PPP4R3A: variants seen among roughly 807,000 people sequenced by gnomAD.
The protein encoded by PPP4R3A is serine/threonine-protein phosphatase 4 regulatory subunit 3A.
Under a neutral mutation model 91.7 loss-of-function variants are expected in PPP4R3A, and 15 were observed. The observed-to-expected ratio is 0.16, with a 90% CI of 0.11 to 0.25. The LOEUF (loss-of-function observed/expected upper bound fraction) is 0.25, where lower values mean the gene tolerates loss of function less well. PPP4R3A is among the 10% of genes least tolerant of loss of function. PPP4R3A has a pLI of 1.00. For missense variants in PPP4R3A, 623 were observed against 998.4 expected, an observed-to-expected ratio of 0.62 and a Z score of 5.07; for synonymous variants, 377 against 348.7, an observed-to-expected ratio of 1.08 and a Z score of -0.91.
chr14:91,492,401 A>C (rs995765484), intron 1 of PPP4R3A, among the ~76,000 whole-genome samples: 8 of 152,354 alleles, frequency 5.3e-5, no homozygotes, highest in Middle Eastern at 3.4e-3. Context: ...GTTTGCTTTT[A>C]CATCAAAGTT....
At chr14:91,477,417 C>T (rs562485911) in intron 4 of PPP4R3A, among the ~76,000 whole-genome samples, 1 of 152,286 alleles carries the variant, frequency 6.6e-6, no homozygotes, top group South Asian at 2.1e-4. Flanking sequence ...GGTAGTTCTA[C>T]AACCTCTCAA....
At chr14:91,489,252 A>G (rs570642425) in intron 2 of PPP4R3A, among the ~76,000 whole-genome samples, 1 of 152,268 alleles carries the variant, frequency 6.6e-6, no homozygotes, top group South Asian at 2.1e-4. Context: ...GAAAATAACA[A>G]TCATCTTGGG....
At chr14:91,502,790 GAT>G (rs1429185148) in intron 1 of PPP4R3A, among the ~76,000 whole-genome samples, 1 of 152,218 alleles carries the variant, frequency 6.6e-6, no homozygotes, top group Non-Finnish European at 1.5e-5. Context: ...TTAACTCTAA[GAT>G]ATGAGTCAGA....
At chr14:91,495,149 T>C (rs1167406637) in intron 1 of PPP4R3A, among the ~76,000 whole-genome samples, 1 of 152,200 alleles carries the variant, frequency 6.6e-6, no homozygotes, top group African/African-American at 2.4e-5. Flanking sequence ...GCAAGGTTAT[T>C]TACAACAGCA....
At position 91,459,344 on chromosome 14, in the gene PPP4R3A, G is replaced by A. The variant is rs1233803049; in HGVS notation, c.2392-475C>T. Among the ~76,000 whole-genome samples the A allele has an allele frequency of 2.0e-5, 3 of 151,984 alleles. 1 individual carries two copies. Among genetic ancestry groups the A allele is most frequent in the South Asian group, 4.2e-4 (2 of 4,802 alleles). Reference sequence around the variant, plus strand: ...TGGTCTTGAACTCCTGACCTCAGGCGATCCACCTACCTTGGACTCCCAAAG... The same window carrying A: ...TGGTCTTGAACTCCTGACCTCAGGCAATCCACCTACCTTGGACTCCCAAAG... On this transcript the variant is annotated intron_variant, in intron 14 of 14. Transcript: ENST00000554943.
intron 1 of PPP4R3A, among the ~76,000 whole-genome samples, chr14:91,496,219 T>TC (rs1393427981): frequency 2.0e-5 from 3 of 152,252 alleles, no homozygotes; most frequent in African/African-American, 7.2e-5. Flanking sequence ...TGTTGTTTTT[T>TC]CAATGGTGTG....
chr14:91,508,570 T>G (rs951816850), intron 1 of PPP4R3A, among the ~76,000 whole-genome samples: 2 of 152,238 alleles, frequency 1.3e-5, no homozygotes, highest in African/African-American at 2.4e-5. Context: ...TTGAGTATTT[T>G]AAGTGAAATT....
intron 3 of PPP4R3A, among the ~76,000 whole-genome samples, chr14:91,483,331 A>G (rs1006082223): frequency 9.9e-5 from 15 of 152,206 alleles, no homozygotes; most frequent in Non-Finnish European, 1.5e-4. Context: ...AAAGATGACG[A>G]CCTGGAATAC....
Position 91,462,894 on chromosome 14 carries a change from T to A in PPP4R3A, c.1831-17A>T. On this transcript the variant is annotated splice_polypyrimidine_tract_variant and intron_variant, in intron 11 of 14. Coordinates refer to ENST00000554943, the MANE Select transcript of PPP4R3A (RefSeq NM_001366432.2). ...TATATCTTCCTACAGAAAAGAATAG[T>A]AATGAAAAAATGATAGGAAAATGTC... The A allele has an allele frequency of 6.4e-7, 1 of 1,565,678 alleles. No individual in the cohort carries two copies. The highest frequency in any genetic ancestry group is 8.7e-7 in the Non-Finnish European group (1 of 1,148,184).
intron 1 of PPP4R3A, among the ~76,000 whole-genome samples, chr14:91,495,327 T>C (rs1295924759): frequency 1.3e-5 from 2 of 152,120 alleles, no homozygotes; most frequent in East Asian, 1.9e-4. Flanking sequence ...TGTGTGTGTA[T>C]GTTTTTTTTT....
chr14:91,478,977 G>A (rs777461423), intron 4 of PPP4R3A, among the ~76,000 whole-genome samples: 13 of 152,102 alleles, frequency 8.5e-5, no homozygotes, highest in Non-Finnish European at 1.2e-4. Context: ...GCAGCGGTGC[G>A]ACCTTGGCTC....
rs1269401553 is a variant in PPP4R3A, at chr14:91,458,727, C to A, written c.*32G>T. The A allele has an allele frequency of 3.7e-6, 6 of 1,613,732 alleles. No homozygotes were observed. The highest frequency in any genetic ancestry group is 5.1e-6 in the Non-Finnish European group (6 of 1,179,860). On this transcript the variant is annotated 3_prime_UTR_variant, in exon 15 of 15. Transcript: ENST00000554943. The stretch of plus-strand genomic sequence containing the variant: ...GGAGGGGTGGAGAACCAGTTTTTTT[C>A]AACAGGTACTGATCCTAGGCCGTTG...
In PPP4R3A at chr14:91,458,130, G is replaced by A. The variant is rs1223577439; in HGVS notation, c.*629C>T. Reference sequence around the variant, plus strand: ...AAAACAAAAAAATTATGACACAAATGACCACATCTAGAATTCCACTCAATC... The same window carrying A: ...AAAACAAAAAAATTATGACACAAATAACCACATCTAGAATTCCACTCAATC... On this transcript the variant is annotated 3_prime_UTR_variant, in exon 15 of 15. Transcript: ENST00000554943. The A allele has an allele frequency of 2.0e-5, 3 of 152,264 alleles. No individual in the cohort carries two copies. Among genetic ancestry groups the A allele is most frequent in the Non-Finnish European group, 4.4e-5 (3 of 68,272 alleles). The allele number at this position is 152,264 out of a possible 1,614,324, so 9.4% of individuals were successfully genotyped here.
At chr14:91,463,559 G>A (rs1888292309) in intron 11 of PPP4R3A, among the ~76,000 whole-genome samples, 1 of 151,928 alleles carries the variant, frequency 6.6e-6, no homozygotes, top group African/African-American at 2.4e-5. Context: ...TCAGCCTCCT[G>A]AGCAGCTAGG....
At chr14:91,497,758 C>A (rs1890671332) in intron 1 of PPP4R3A, among the ~76,000 whole-genome samples, 1 of 152,110 alleles carries the variant, frequency 6.6e-6, no homozygotes, top group African/African-American at 2.4e-5. Context: ...AGGAAATTAC[C>A]CTACACCCTC....
chr14:91,488,904 C>A (rs941791026), intron 2 of PPP4R3A, among the ~76,000 whole-genome samples: 3 of 123,252 alleles, frequency 2.4e-5, no homozygotes, highest in South Asian at 2.7e-4. Flanking sequence ...AATATAGATA[C>A]CACTTTTTTT....
chr14:91,462,031 C>A lies in PPP4R3A; in HGVS notation c.2164+18G>T. On this transcript the variant is annotated intron_variant, in intron 13 of 14. Transcript: ENST00000554943. Reference sequence around the variant, plus strand: ...AAGAAAGCCTTAATTTTCTCTTGCCCATTTTTTTCCAACATACATTTCTTC... The same window carrying A: ...AAGAAAGCCTTAATTTTCTCTTGCCAATTTTTTTCCAACATACATTTCTTC... The A allele has an allele frequency of 1.3e-6, 2 of 1,483,270 alleles. No individual in the cohort carries two copies. Among genetic ancestry groups the A allele is most frequent in the South Asian group, 1.4e-5 (1 of 70,468 alleles). The allele number at this position is 1,483,270 out of a possible 1,614,324, so 91.9% of individuals were successfully genotyped here.
At chr14:91,458,972 CGGTGGTTATTTCTG>C in intron 14 of PPP4R3A, 103 bp from the exon 15 acceptor site, 1 of 1,320,838 alleles carries the variant, frequency 7.6e-7, no homozygotes, top group Non-Finnish European at 1.0e-6. Flanking sequence ...AACATAGTAA[CGGTGGTTATTTCTG>C]GGTGGTGGGA....
intron 11 of PPP4R3A, among the ~76,000 whole-genome samples, chr14:91,463,918 AC>A (rs1458400254): frequency 2.0e-5 from 3 of 151,862 alleles, no homozygotes; most frequent in Admixed American, 2.0e-4. Flanking sequence ...CCTACTCTCT[AC>A]CCTCAAGTGG....
Sources: gnomAD v4.1 joint callset for allele counts (sites outside exome capture counted in the v4.1 genomes callset) on GRCh38, gnomAD v4.1.1 for gene constraint, MANE v1.5 for transcripts, NCBI Gene and HGNC (gene_info 2026-07-23, HGNC 2026-07-21) for gene names.